Variants in UNKL observed in about 807,000 individuals in gnomAD.
UNKL encodes unk like zinc finger, also known as putative E3 ubiquitin-protein ligase UNKL.
A neutral mutation model predicts 78.0 loss-of-function variants in UNKL; 60 were observed. That is an observed-to-expected ratio of 0.77 (90% CI 0.63 to 0.95). UNKL has a LOEUF of 0.95. UNKL is among the 40% of genes least tolerant of loss of function. The pLI, the probability that UNKL is intolerant of heterozygous loss-of-function variation, is 0.00. For missense variants in UNKL, 1,159 were observed against 1,045.7 expected, an observed-to-expected ratio of 1.11 and a Z score of -1.49; for synonymous variants, 608 against 474.8, an observed-to-expected ratio of 1.28 and a Z score of -3.65.
Position 1,413,840 on chromosome 16 carries a change from G to A in UNKL, c.287+6C>T, listed in dbSNP as rs2038159789. 5 of 1,518,354 alleles carry A rather than the reference G, an allele frequency of 3.3e-6. No individual in the cohort carries two copies. Among genetic ancestry groups the A allele is most frequent in the Non-Finnish European group, 4.4e-6 (5 of 1,125,668 alleles). 94.1% of individuals were successfully genotyped at this position (1,518,354 alleles called of 1,614,324 possible). The stretch of plus-strand genomic sequence containing the variant: ...CAGGCAGCGGCGCCCCCTCGCGGCC[G>A]CTTACTCGTCGCCGTCGGGGCACAC... On this transcript the variant is annotated splice_donor_region_variant and intron_variant, in intron 2 of 14. Coordinates refer to ENST00000389221, the MANE Select transcript of UNKL (RefSeq NM_001372107.1).
At chr16:1,367,923 G>A (rs1567197800) in intron 12 of UNKL, 65 bp from the exon 13 acceptor site, 2 of 1,429,322 alleles carry the variant, frequency 1.4e-6, no homozygotes, top group East Asian at 2.5e-5. Context: ...GGATTGGTGG[G>A]TGCTATGCCC....
chr16:1,414,203 C>A (rs894723753), intron 1 of UNKL, 148 bp from the exon 2 acceptor site: 1 of 777,942 alleles, frequency 1.3e-6, no homozygotes, highest in South Asian at 1.9e-5. Context: ...GCTGCGCCCA[C>A]CCCCATCCCG....
chr16:1,369,861 G>A (rs1467200032), intron 12 of UNKL: 1 of 1,338,208 alleles, frequency 7.5e-7, no homozygotes, highest in African/African-American at 1.4e-5. Flanking sequence ...TGTAGTCCCA[G>A]CTACTTGGGT....
rs2036843090 is a variant in UNKL, at chr16:1,387,002, T to C, written c.1087-1617A>G. 1.3e-5 allele frequency among the ~76,000 whole-genome samples: 2 copies of C among 152,154 alleles called. No homozygotes were observed. The highest frequency in any genetic ancestry group is 2.1e-4 in the South Asian group (1 of 4,826). ...CCAGAGACCACTTTTCCTCAAGCCA[T>C]GAAAAAACGGACCACAGTCCACCCC... On this transcript the variant is annotated intron_variant, in intron 9 of 14. Coordinates refer to ENST00000389221, the MANE Select transcript of UNKL (RefSeq NM_001372107.1). The surrounding 1 kb of genome is among the most constrained non-coding windows in gnomAD (Gnocchi z 4.1).
At chr16:1,368,038 G>C in intron 12 of UNKL, 180 bp from the exon 13 acceptor site, 1 of 619,868 alleles carries the variant, frequency 1.6e-6, no homozygotes, top group Non-Finnish European at 2.9e-6. Context: ...ACCAGGCTCA[G>C]GAAGAGGCGC....
chr16:1,411,303 A>G (rs2038028907), intron 2 of UNKL, among the ~76,000 whole-genome samples: 1 of 152,166 alleles, frequency 6.6e-6, no homozygotes, highest in African/African-American at 2.4e-5. Flanking sequence ...ATGAGCTGAG[A>G]TCGTACCACT....
At chr16:1,371,032 G>A (rs2035781755) in intron 11 of UNKL, among the ~76,000 whole-genome samples, 1 of 149,172 alleles carries the variant, frequency 6.7e-6, no homozygotes, top group Non-Finnish European at 1.5e-5. Context: ...GCAGTGAGCG[G>A]AGATCGCGCC....
At chr16:1,379,777 C>T (rs1171179448) in intron 10 of UNKL, 2 of 851,150 alleles carry the variant, frequency 2.3e-6, no homozygotes, top group East Asian at 1.2e-4. Flanking sequence ...CCGCGCTGCC[C>T]TCCCCCAACC....
intron 10 of UNKL, among the ~76,000 whole-genome samples, chr16:1,372,221 G>A (rs1159430161): frequency 6.6e-6 from 1 of 152,048 alleles, no homozygotes; most frequent in East Asian, 1.9e-4. Context: ...CCGAGATCGT[G>A]CCACTGCCCT....
Position 1,403,069 on chromosome 16 carries a change from G to A in UNKL, c.464+99C>T. The A allele has an allele frequency of 1.5e-6, 2 of 1,369,484 alleles. No individual in the cohort carries two copies. Among genetic ancestry groups the A allele is most frequent in the Admixed American group, 5.0e-5 (2 of 40,136 alleles). The allele number at this position is 1,369,484 out of a possible 1,614,324, so 84.8% of individuals were successfully genotyped here. A position where few individuals can be genotyped will look rare whatever the true frequency, so the allele number is the denominator to read the frequency against. ...AGAGAGATTTGGGCCAGCAGAGCCT[G>A]CAGCAGCAGGGAGGCGAGCCACTTG... On this transcript the variant is annotated intron_variant, in intron 3 of 14. Coordinates refer to ENST00000389221, the MANE Select transcript of UNKL (RefSeq NM_001372107.1). This position sits in a 1 kb window ranked among gnomAD's most constrained non-coding sequence, Gnocchi z 4.8.
chr16:1,396,063 C>A (rs2037246747), intron 6 of UNKL, among the ~76,000 whole-genome samples: 1 of 152,010 alleles, frequency 6.6e-6, no homozygotes, highest in African/African-American at 2.4e-5. Context: ...GCGCCTCAGC[C>A]TCCAAGTAGC....
At position 1,372,851 on chromosome 16, in the gene UNKL, T is replaced by A. The variant is rs12925994; in HGVS notation, c.1265-1240A>T. 2.7e-3 allele frequency among the ~76,000 whole-genome samples: 293 copies of A among 109,262 alleles called. 10 individuals are homozygous for A. Among genetic ancestry groups the A allele is most frequent in the Non-Finnish European group, 3.4e-3 (179 of 52,968 alleles). The allele number at this position is 109,262 out of a possible 152,430, so 71.7% of individuals were successfully genotyped here. A position where few individuals can be genotyped will look rare whatever the true frequency, so the allele number is the denominator to read the frequency against. ...GCACACCGCACAGGGACTGCCGGCC[T>A]ACACTGCACAGAGACCTCAGCAGCG... On this transcript the variant is annotated intron_variant, in intron 10 of 14. Transcript: ENST00000389221.
chr16:1,399,577 G>A lies in UNKL; in HGVS notation c.599-68C>T. 1.3e-6 allele frequency: 2 copies of A among 1,542,346 alleles called. No individual in the cohort carries two copies. Among genetic ancestry groups the A allele is most frequent in the Non-Finnish European group, 8.7e-7 (1 of 1,148,142 alleles). ...GCAATGCTGGGCAGAGGAGACCAAA[G>A]GTGGAAGGACCTGGCTGTCCCCCAA... On this transcript the variant is annotated intron_variant, in intron 4 of 14. Transcript: ENST00000389221. The surrounding 1 kb of genome is among the most constrained non-coding windows in gnomAD (Gnocchi z 5.8).
rs73487843 is a variant in UNKL at position 1,375,389 on chromosome 16, G to A, written c.1265-3778C>T. On this transcript the variant is annotated intron_variant, in intron 10 of 14. Transcript: ENST00000389221. Reference sequence around the variant, plus strand: ...GAGGCCACCCCCACCCCACTCCACCGCACAGCACGACCCAGACTCAACCCT... The same window carrying A: ...GAGGCCACCCCCACCCCACTCCACCACACAGCACGACCCAGACTCAACCCT... Among the ~76,000 whole-genome samples the A allele has an allele frequency of 6.0e-3, 906 of 152,248 alleles. 10 individuals are homozygous for A. The highest frequency in any genetic ancestry group is 0.021 in the African/African-American group (869 of 41,556).
intron 12 of UNKL, 179 bp from the exon 13 acceptor site, chr16:1,368,037 A>G: frequency 1.6e-6 from 1 of 620,066 alleles, no homozygotes; most frequent in East Asian, 2.8e-5. Flanking sequence ...CACCAGGCTC[A>G]GGAAGAGGCG....
At chr16:1,368,061 C>T in intron 12 of UNKL, 2 of 534,050 alleles carry the variant, frequency 3.7e-6, no homozygotes, top group Non-Finnish European at 6.6e-6. Context: ...ACAGTGACAC[C>T]TGCCCCGGCC....
intron 10 of UNKL, among the ~76,000 whole-genome samples, chr16:1,384,210 A>C (rs2142085059): frequency 3.4e-5 from 5 of 147,582 alleles, no homozygotes; most frequent in Non-Finnish European, 3.0e-5. Context: ...GGTGTCCCCC[A>C]CCACCCCAAC....
chr16:1,411,942 G>GA (rs1344447843), intron 2 of UNKL: 1 of 152,136 alleles, frequency 6.6e-6, no homozygotes, highest in Non-Finnish European at 1.5e-5. Flanking sequence ...AAGCACTGTT[G>GA]AAAAAATAAA....
In UNKL at chr16:1,365,063, G is replaced by C. The variant is rs1049213082; in HGVS notation, c.*1177C>G. On this transcript the variant is annotated 3_prime_UTR_variant, in exon 15 of 15. Coordinates refer to ENST00000389221, the MANE Select transcript of UNKL (RefSeq NM_001372107.1). The stretch of plus-strand genomic sequence containing the variant: ...GGCTGGAGTGCGGTGGCGCGATCTC[G>C]GCTCACTGCAACCTCTGCCTCCCAG... 2.7e-5 allele frequency: 4 copies of C among 150,760 alleles called. No individual in the cohort carries two copies. Among genetic ancestry groups the C allele is most frequent in the Admixed American group, 1.3e-4 (2 of 14,966 alleles). The allele number at this position is 150,760 out of a possible 1,614,324, so 9.3% of individuals were successfully genotyped here.
Sources: gnomAD v4.1 joint callset for allele counts (sites outside exome capture counted in the v4.1 genomes callset) on GRCh38, gnomAD v4.1.1 for gene constraint, Gnocchi (gnomAD v3.1) non-coding constraint, MANE v1.5 for transcripts, NCBI Gene and HGNC (gene_info 2026-07-23, HGNC 2026-07-21) for gene names.